Variants in OR2T12 observed in about 807,000 individuals in gnomAD.
OR2T12 encodes olfactory receptor family 2 subfamily T member 12.
For synonymous variants in OR2T12, 127 were observed against 160.5 expected, an observed-to-expected ratio of 0.79 and a Z score of 1.58; for missense variants, 335 against 404.3, an observed-to-expected ratio of 0.83 and a Z score of 1.47.
Position 248,297,135 on chromosome 1 carries a change from C to G in OR2T12, c.-8-1549G>C, listed in dbSNP as rs1285757175. The stretch of plus-strand genomic sequence containing the variant: ...AATCCTCTCCCCATTGCTTGTTTTT[C>G]TCAGGTTGGTCAAAGATCAGATAGT... On this transcript the variant is annotated intron_variant, in intron 2 of 2. Transcript: ENST00000641276. 1.2e-4 allele frequency among the ~76,000 whole-genome samples: 18 copies of G among 152,016 alleles called. No homozygotes were observed. In the East Asian group the frequency reaches 3.3e-3, roughly 28 times the overall value.
chr1:248,301,739 G>A lies in OR2T12; in HGVS notation c.-189-186C>T, dbSNP rs568757229. 1.7e-4 allele frequency among the ~76,000 whole-genome samples: 26 copies of A among 151,932 alleles called. 1 individual carries two copies. Among genetic ancestry groups the A allele is most frequent in the African/African-American group, 5.6e-4 (23 of 41,438 alleles). On this transcript the variant is annotated intron_variant, in intron 1 of 2. Coordinates refer to ENST00000641276, the MANE Select transcript of OR2T12 (RefSeq NM_001004692.2). ...CATTGTTTCTGTTGTAATAAATTCC[G>A]TCATTTTGTAAAAAGATGGTGCATA...
intron 1 of OR2T12, among the ~76,000 whole-genome samples, chr1:248,302,146 G>A (rs148235420): frequency 1.4e-4 from 22 of 151,834 alleles, no homozygotes; most frequent in Non-Finnish European, 2.9e-4. Context: ...CCCTTTTGCA[G>A]TAGGAATGAT....
intron 2 of OR2T12, among the ~76,000 whole-genome samples, chr1:248,298,831 T>C (rs371964286): frequency 6.6e-6 from 1 of 151,736 alleles, no homozygotes; most frequent in South Asian, 2.1e-4. Flanking sequence ...TTTTGAAGGG[T>C]TTTTTGTGCC....
In OR2T12 at chr1:248,290,986, C is replaced by T. The variant is rs1659624050; in HGVS notation, c.*3630G>A. ...GAGAAATGTCTGTTCATATACTTTGCCCACTTTTTGATGGGGTTGTTTTTT... is the reference window on the plus strand; with the variant it reads ...GAGAAATGTCTGTTCATATACTTTGTCCACTTTTTGATGGGGTTGTTTTTT... On this transcript the variant is annotated 3_prime_UTR_variant, in exon 3 of 3. Coordinates refer to ENST00000641276, the MANE Select transcript of OR2T12 (RefSeq NM_001004692.2). 1 of 140,554 alleles carries T rather than the reference C, an allele frequency of 7.1e-6. No individual in the cohort carries two copies. The highest frequency in any genetic ancestry group is 2.3e-4 in the South Asian group (1 of 4,288). 8.7% of individuals were successfully genotyped at this position (140,554 alleles called of 1,614,324 possible).
In OR2T12 at chr1:248,295,060, A is replaced by T. The variant is rs1412057672; in HGVS notation, c.519T>A (p.Asp173Glu). Residue 173 changes from aspartate (D) to glutamate (E), a missense_variant, in exon 3 of 3, where the codon GAT (aspartate) becomes GAA (glutamate). Coordinates refer to ENST00000641276, the MANE Select transcript of OR2T12 (RefSeq NM_001004692.2). ...SFPYCGAHEI[D>E]HFFCEAPVLV... Reference sequence around the variant, plus strand: ...ACACGGGGGCCTCGCAGAAGAAGTGATCGATCTCGTGTGCACCGCAATATG... The same window carrying T: ...ACACGGGGGCCTCGCAGAAGAAGTGTTCGATCTCGTGTGCACCGCAATATG... The T allele has an allele frequency of 6.2e-7, 1 of 1,609,532 alleles. No homozygotes were observed. The highest frequency in any genetic ancestry group is 1.4e-5 in the African/African-American group (1 of 73,754).
chr1:248,295,934 A>G (rs1466320133), intron 2 of OR2T12, among the ~76,000 whole-genome samples: 1 of 152,054 alleles, frequency 6.6e-6, no homozygotes, highest in Non-Finnish European at 1.5e-5. Context: ...TACATGTGAC[A>G]TGCTGGTGCG....
At chr1:248,295,672 T>C (rs11204626) in intron 2 of OR2T12, 86 bp from the exon 3 acceptor site, 1 of 1,496,680 alleles carries the variant, frequency 6.7e-7, no homozygotes, top group Non-Finnish European at 8.9e-7. Context: ...TTTCTGGACA[T>C]ATGTACTGGA....
At position 248,290,778 on chromosome 1, in the gene OR2T12, A is replaced by G. The variant is rs1260922745; in HGVS notation, c.*3838T>C. 6.6e-6 allele frequency: 1 copy of G among 152,148 alleles called. No homozygotes were observed. The allele number at this position is 152,148 out of a possible 1,614,324, so 9.4% of individuals were successfully genotyped here. On this transcript the variant is annotated 3_prime_UTR_variant, in exon 3 of 3. Transcript: ENST00000641276. ...TATTATACTTTAAGTTTTAGGGTAC[A>G]TGTGCACAATGTGCAGGTTTGTTAC...
At chr1:248,300,257 C>T (rs547105327) in intron 2 of OR2T12, among the ~76,000 whole-genome samples, 2 of 152,226 alleles carry the variant, frequency 1.3e-5, no homozygotes, top group East Asian at 3.9e-4. Context: ...CAGCATGTGA[C>T]CAGCACAATA....
At chr1:248,297,943 A>G (rs553693654) in intron 2 of OR2T12, among the ~76,000 whole-genome samples, 26 of 150,670 alleles carry the variant, frequency 1.7e-4, no homozygotes, top group Middle Eastern at 6.8e-3. Context: ...TTCAAAGGGA[A>G]TGCTTCCAGT....
chr1:248,300,120 A>C (rs563281973), intron 2 of OR2T12, among the ~76,000 whole-genome samples: 3 of 152,162 alleles, frequency 2.0e-5, no homozygotes, highest in Middle Eastern at 3.2e-3. Context: ...AATTAAAAAA[A>C]TAGAAAAACG....
intron 2 of OR2T12, among the ~76,000 whole-genome samples, chr1:248,299,494 A>C (rs1172257729): frequency 6.6e-6 from 1 of 152,132 alleles, no homozygotes. Flanking sequence ...AACTATCCTA[A>C]ATATATATGC....
chr1:248,295,742 C>A, intron 2 of OR2T12, 156 bp from the exon 3 acceptor site: 1 of 944,602 alleles, frequency 1.1e-6, no homozygotes, highest in South Asian at 1.8e-5. Flanking sequence ...CTTTTCCTGA[C>A]CTGGCATTCA....
At chr1:248,299,658 T>C (rs916942249) in intron 2 of OR2T12, among the ~76,000 whole-genome samples, 2 of 152,062 alleles carry the variant, frequency 1.3e-5, no homozygotes. Flanking sequence ...TACCCAGGAA[T>C]TGAACTCAGC....
chr1:248,293,757 T>A lies in OR2T12; in HGVS notation c.*859A>T, dbSNP rs1008550772. 1.4e-4 allele frequency: 21 copies of A among 152,290 alleles called. No individual in the cohort carries two copies. The highest frequency in any genetic ancestry group is 6.2e-4 in the South Asian group (3 of 4,832). The allele number at this position is 152,290 out of a possible 1,614,324, so 9.4% of individuals were successfully genotyped here. On this transcript the variant is annotated 3_prime_UTR_variant, in exon 3 of 3. Transcript: ENST00000641276. ...ATATCGATGGAGGTATGTCAATAAG[T>A]CAAGGTAACCTTAAAGCACGTGTAG...
Position 248,293,711 on chromosome 1 carries a change from T to A in OR2T12, c.*905A>T, listed in dbSNP as rs930398843. On this transcript the variant is annotated 3_prime_UTR_variant, in exon 3 of 3. Transcript: ENST00000641276. ...TGTTAGTAACTGTCAAGATTCAGCATGATCATGCAATTCAGAGTTCATATC... is the reference window on the plus strand; with the variant it reads ...TGTTAGTAACTGTCAAGATTCAGCAAGATCATGCAATTCAGAGTTCATATC... The A allele has an allele frequency of 8.5e-5, 13 of 152,210 alleles. No individual in the cohort carries two copies. The highest frequency in any genetic ancestry group is 2.9e-4 in the African/African-American group (12 of 41,462). 9.4% of individuals were successfully genotyped at this position (152,210 alleles called of 1,614,324 possible). A position where few individuals can be genotyped will look rare whatever the true frequency, so the allele number is the denominator to read the frequency against.
chr1:248,291,438 G>A lies in OR2T12; in HGVS notation c.*3178C>T, dbSNP rs1659632085. Reference sequence around the variant, plus strand: ...CAAACCACTGCTCAAGGAAATAAGAGAGGACACAAACAAATGAAAAAATAT... The same window carrying A: ...CAAACCACTGCTCAAGGAAATAAGAAAGGACACAAACAAATGAAAAAATAT... On this transcript the variant is annotated 3_prime_UTR_variant, in exon 3 of 3. Transcript: ENST00000641276. 6.6e-6 allele frequency: 1 copy of A among 152,012 alleles called. No individual in the cohort carries two copies. Among genetic ancestry groups the A allele is most frequent in the African/African-American group, 2.4e-5 (1 of 41,396 alleles). The allele number at this position is 152,012 out of a possible 1,614,324, so 9.4% of individuals were successfully genotyped here. A position where few individuals can be genotyped will look rare whatever the true frequency, so the allele number is the denominator to read the frequency against.
chr1:248,294,296 T>G lies in OR2T12; in HGVS notation c.*320A>C. 1 of 223,806 alleles carries G rather than the reference T, an allele frequency of 4.5e-6. No homozygotes were observed. The highest frequency in any genetic ancestry group is 5.1e-5 in the Admixed American group (1 of 19,576). The allele number at this position is 223,806 out of a possible 1,614,324, so 13.9% of individuals were successfully genotyped here. On this transcript the variant is annotated 3_prime_UTR_variant, in exon 3 of 3. Transcript: ENST00000641276. ...GGGTTACCTTACTTCTCCCAAGGCA[T>G]AGGTAAGTAGAGATATTTTTGATGA...
chr1:248,297,168 A>T (rs1239623974), intron 2 of OR2T12, among the ~76,000 whole-genome samples: 2 of 151,308 alleles, frequency 1.3e-5, no homozygotes, highest in African/African-American at 4.9e-5. Flanking sequence ...AGTTGTAGAT[A>T]TGCAGCGTTA....
Sources: gnomAD v4.1 joint callset for allele counts (sites outside exome capture counted in the v4.1 genomes callset) on GRCh38, gnomAD v4.1.1 for gene constraint, MANE v1.5 for transcripts, NCBI Gene and HGNC (gene_info 2026-07-23, HGNC 2026-07-21) for gene names.